PPM1H: variants seen among roughly 807,000 people sequenced by gnomAD.
The protein encoded by PPM1H is protein phosphatase, Mg2+/Mn2+ dependent 1H, also known as protein phosphatase 1H.
PPM1H carries 27 observed loss-of-function variants against 54.9 expected under a neutral mutation model. The observed-to-expected ratio is 0.49, with a 90% CI of 0.36 to 0.68. PPM1H has a LOEUF of 0.68. Among genes scored for constraint, PPM1H ranks in the 30% least tolerant of loss-of-function variants. The pLI, the probability that PPM1H is intolerant of heterozygous loss-of-function variation, is 0.00. For missense variants in PPM1H, 596 were observed against 667.8 expected (o/e 0.89, Z 1.19); for synonymous variants, 305 against 270.8 (o/e 1.13, Z -1.24).
chr12:62,887,863 T>A (rs1424617204), intron 1 of PPM1H, among the ~76,000 whole-genome samples: 2 of 152,084 alleles, frequency 1.3e-5, no homozygotes, highest in African/African-American at 4.8e-5. Flanking sequence ...GGAGAGCAAC[T>A]GCAAAGGTCT....
rs1371022058 is a variant in PPM1H at position 62,689,806 on chromosome 12, C to T, written c.1138G>A (p.Ala380Thr). 2 of 1,609,354 alleles carry T rather than the reference C, an allele frequency of 1.2e-6. No individual in the cohort carries two copies. Among genetic ancestry groups the T allele is most frequent in the South Asian group, 1.1e-5 (1 of 90,416 alleles). The part of the protein sequence containing the change: ...FPLIYGEGKK[A>T]RVMATIGVTR... ...ACTCCAATAGTTGCCATTACCCGGG[C>T]CTAGGAGTATAAGCAGAGGGTCATC... is the stretch of plus-strand genomic sequence containing the variant. The change falls in exon 8 of 10, where the codon GCC becomes ACC. Residue 380 changes from alanine to threonine, a missense_variant and splice_region_variant. By Grantham distance (58) the Ala-to-Thr change is moderately conservative. This residue lies in a region of PPM1H where 208 missense variants were observed against 259.5 expected (regional missense o/e 0.80). Transcript: ENST00000228705.
At chr12:62,861,139 A>G (rs1002839873) in intron 1 of PPM1H, among the ~76,000 whole-genome samples, 1 of 152,222 alleles carries the variant, frequency 6.6e-6, no homozygotes, top group Non-Finnish European at 1.5e-5. Context: ...ATTGAACTAG[A>G]CTAGGTTAAA....
intron 2 of PPM1H, among the ~76,000 whole-genome samples, chr12:62,811,453 C>T (rs1004698364): frequency 6.6e-6 from 1 of 152,286 alleles, no homozygotes; most frequent in African/African-American, 2.4e-5. Context: ...GTACTCATCT[C>T]GCTCTACTGT....
intron 8 of PPM1H, among the ~76,000 whole-genome samples, chr12:62,669,697 C>T (rs1450075033): frequency 6.6e-6 from 1 of 152,022 alleles, no homozygotes; most frequent in African/African-American, 2.4e-5. Flanking sequence ...AATAGGAGGC[C>T]AAGGCAGGGG....
At chr12:62,761,107 C>G (rs2076506096) in intron 4 of PPM1H, among the ~76,000 whole-genome samples, 1 of 152,104 alleles carries the variant, frequency 6.6e-6, no homozygotes, top group African/African-American at 2.4e-5. Flanking sequence ...AACCACAACA[C>G]AGGAGGCTTT....
Position 62,802,044 on chromosome 12 carries a change from GTCC to G in PPM1H, c.525_527del (p.Gln175_Asp176delinsHis). On this transcript the variant is annotated inframe_deletion, in exon 3 of 10. Transcript: ENST00000228705. ...CGGAGTTCTTCAGGATGTCCACGATGTCCTGCAGCTGCTCCGTGATGTGGTGCT... is the reference window on the plus strand; with the variant it reads ...CGGAGTTCTTCAGGATGTCCACGATGTGCAGCTGCTCCGTGATGTGGTGCT... 6.2e-7 allele frequency: 1 copy of G among 1,613,460 alleles called. No homozygotes were observed. The highest frequency in any genetic ancestry group is 8.5e-7 in the Non-Finnish European group (1 of 1,179,790).
Position 62,834,021 on chromosome 12 carries a change from G to A in PPM1H, c.246-1742C>T, listed in dbSNP as rs73316250. ...TTTCTGTATCAATAAAAAGGGCTTC[G>A]CTGGTCCTATCGGGTTTACTACTAA... On this transcript the variant is annotated intron_variant, in intron 1 of 9. Coordinates refer to ENST00000228705, the MANE Select transcript of PPM1H (RefSeq NM_020700.2). 2.4e-3 allele frequency among the ~76,000 whole-genome samples: 369 copies of A among 152,196 alleles called. 2 individuals carry two copies. Among genetic ancestry groups the A allele is most frequent in the African/African-American group, 8.2e-3 (341 of 41,530 alleles).
intron 9 of PPM1H, among the ~76,000 whole-genome samples, chr12:62,665,160 G>A (rs1423067272): frequency 6.6e-6 from 1 of 151,952 alleles, no homozygotes. Context: ...CAATTCTCAT[G>A]CCTCAGCCTC....
chr12:62,830,076 C>G (rs1868334088), intron 2 of PPM1H, among the ~76,000 whole-genome samples: 1 of 152,184 alleles, frequency 6.6e-6, no homozygotes, highest in African/African-American at 2.4e-5. Flanking sequence ...GCAAACTTCA[C>G]TCATAGAGAA....
intron 2 of PPM1H, among the ~76,000 whole-genome samples, chr12:62,812,390 C>T (rs1644178382): frequency 6.6e-6 from 1 of 152,174 alleles, no homozygotes; most frequent in East Asian, 1.9e-4. Context: ...TCCAGATAAA[C>T]ATGAGTTAAA....
chr12:62,884,869 C>G (rs1870530844), intron 1 of PPM1H, among the ~76,000 whole-genome samples: 1 of 152,144 alleles, frequency 6.6e-6, no homozygotes, highest in South Asian at 2.1e-4. Context: ...CTTTCAAGTT[C>G]ATCCTGGCTG....
intron 3 of PPM1H, among the ~76,000 whole-genome samples, chr12:62,793,968 T>C (rs1021607454): frequency 2.0e-5 from 3 of 152,288 alleles, no homozygotes; most frequent in African/African-American, 7.2e-5. Context: ...GTAGTTTCAA[T>C]AGGACCTGGC....
At chr12:62,776,060 C>A (rs144658658) in intron 4 of PPM1H, among the ~76,000 whole-genome samples, 1 of 152,114 alleles carries the variant, frequency 6.6e-6, no homozygotes, top group African/African-American at 2.4e-5. Context: ...TCAGACCACA[C>A]GAGACTTACT....
At chr12:62,851,908 C>T (rs1263456163) in intron 1 of PPM1H, among the ~76,000 whole-genome samples, 2 of 151,856 alleles carry the variant, frequency 1.3e-5, no homozygotes, top group Admixed American at 6.6e-5. Context: ...ATGTTGAAAT[C>T]CTAACCCCTA....
chr12:62,934,404 G>A lies in PPM1H; in HGVS notation c.245+88C>T. ...GCCGGCAGCTAGTGAGAGCCCTGAG[G>A]CCGAGAAGCAGGGAGAGAAGAGGGC... On this transcript the variant is annotated intron_variant, in intron 1 of 9. Coordinates refer to ENST00000228705, the MANE Select transcript of PPM1H (RefSeq NM_020700.2). The surrounding 1 kb of genome is among the most constrained non-coding windows in gnomAD (Gnocchi z 4.2). The A allele has an allele frequency of 7.1e-7, 1 of 1,401,274 alleles. No individual in the cohort carries two copies. Among genetic ancestry groups the A allele is most frequent in the South Asian group, 1.5e-5 (1 of 65,666 alleles). 86.8% of individuals were successfully genotyped at this position (1,401,274 alleles called of 1,614,324 possible).
At chr12:62,697,133 C>CTTTTT (rs543565296) in intron 6 of PPM1H, among the ~76,000 whole-genome samples, 18,873 of 146,344 alleles carry the variant, frequency 0.13, 1,436 homozygotes, top group African/African-American at 0.21. Context: ...GGTCTGTGTT[C>CTTTTT]TTTTTTTTTT....
At chr12:62,699,622 G>A (rs2076132879) in intron 6 of PPM1H, among the ~76,000 whole-genome samples, 1 of 152,314 alleles carries the variant, frequency 6.6e-6, no homozygotes, top group Admixed American at 6.5e-5. Flanking sequence ...TAAAGAGGAG[G>A]TGTTTAGGAT....
At chr12:62,676,714 A>G (rs980682842) in intron 8 of PPM1H, among the ~76,000 whole-genome samples, 1 of 152,228 alleles carries the variant, frequency 6.6e-6, no homozygotes, top group Non-Finnish European at 1.5e-5. Flanking sequence ...TTTGGTCGCC[A>G]CCGAGCATGG....
intron 7 of PPM1H, among the ~76,000 whole-genome samples, chr12:62,692,737 T>C (rs2076089722): frequency 1.3e-5 from 2 of 152,226 alleles, no homozygotes; most frequent in South Asian, 4.1e-4. Flanking sequence ...GACACGATTC[T>C]TAACCAGAGA....
Sources: allele counts gnomAD v4.1 joint callset (sites outside exome capture counted in the v4.1 genomes callset), GRCh38; gene constraint gnomAD v4.1.1; regional missense constraint gnomAD v4.1.1; non-coding constraint Gnocchi (gnomAD v3.1); transcripts MANE v1.5; gene names NCBI Gene and HGNC (gene_info 2026-07-23, HGNC 2026-07-21).